ENOPH1: variants seen among roughly 807,000 people sequenced by gnomAD.
ENOPH1 encodes enolase-phosphatase 1.
ENOPH1 carries 14 observed loss-of-function variants against 31.1 expected under a neutral mutation model. That is an observed-to-expected ratio of 0.45 (90% CI 0.30 to 0.70). The LOEUF (loss-of-function observed/expected upper bound fraction) is 0.70. Among genes scored for constraint, ENOPH1 ranks in the 30% least tolerant of loss-of-function variants. The pLI is 0.09. For synonymous variants in ENOPH1, 127 were observed against 123.2 expected, an observed-to-expected ratio of 1.03 and a Z score of -0.21; for missense variants, 243 against 321.5, an observed-to-expected ratio of 0.76 and a Z score of 1.87.
Position 82,430,757 on chromosome 4 carries a change from G to GCCGCAGCCGCAGCCGGCGC in ENOPH1, c.-71_-53dup. 1 of 1,449,252 alleles carries GCCGCAGCCGCAGCCGGCGC rather than the reference G, an allele frequency of 6.9e-7. No homozygotes were observed. 89.8% of individuals were successfully genotyped at this position (1,449,252 alleles called of 1,614,324 possible). A position where few individuals can be genotyped will look rare whatever the true frequency, so the allele number is the denominator to read the frequency against. The stretch of plus-strand genomic sequence containing the variant: ...CCGGAAGCCCAAGACGGTACCGGGG[G>GCCGCAGCCGCAGCCGGCGC]CCGCAGCCGCAGCCGGCGCCGCCCT... On this transcript the variant is annotated 5_prime_UTR_variant, in exon 1 of 6. Coordinates refer to ENST00000273920, the MANE Select transcript of ENOPH1 (RefSeq NM_021204.5).
rs558606393 is a variant in ENOPH1 at position 82,451,694 on chromosome 4, T to G, written c.389+449T>G. Among the ~76,000 whole-genome samples, 3 of 152,358 alleles carry G rather than the reference T, an allele frequency of 2.0e-5. No homozygotes were observed. In the East Asian group the frequency reaches 5.8e-4, roughly 29 times the overall value. On this transcript the variant is annotated intron_variant, in intron 3 of 5. Coordinates refer to ENST00000273920, the MANE Select transcript of ENOPH1 (RefSeq NM_021204.5). ...CGCACTACCACGTTCTTCTTTGCTC[T>G]TTTGAGCAACTTCCACAGATTCTTT...
intron 2 of ENOPH1, among the ~76,000 whole-genome samples, chr4:82,450,046 C>T (rs1241968525): frequency 6.6e-6 from 1 of 152,110 alleles, no homozygotes; most frequent in South Asian, 2.1e-4. Context: ...CAGTTATTTT[C>T]TAGTTCTATA....
chr4:82,447,057 C>T (rs1722213461), intron 1 of ENOPH1, among the ~76,000 whole-genome samples: 1 of 151,808 alleles, frequency 6.6e-6, no homozygotes, highest in Admixed American at 6.6e-5. Flanking sequence ...GGGATCTCAG[C>T]TTACTGCAAC....
chr4:82,451,357 C>T, intron 3 of ENOPH1, 112 bp downstream of exon 3: 1 of 1,040,280 alleles, frequency 9.6e-7, no homozygotes, highest in East Asian at 2.5e-5. Flanking sequence ...AGATAAAAAT[C>T]CACACTCTTT....
intron 3 of ENOPH1, among the ~76,000 whole-genome samples, chr4:82,453,766 A>G (rs1578102677): frequency 6.6e-6 from 1 of 152,188 alleles, no homozygotes; most frequent in African/African-American, 2.4e-5. Context: ...TGACTATGGA[A>G]AACACTAGAA....
chr4:82,444,378 C>T (rs1260584750), intron 1 of ENOPH1, among the ~76,000 whole-genome samples: 1 of 152,120 alleles, frequency 6.6e-6, no homozygotes, highest in East Asian at 1.9e-4. Flanking sequence ...TGTACCACCA[C>T]GCCCCGACTA....
At chr4:82,448,267 T>G (rs1243006173) in intron 2 of ENOPH1, among the ~76,000 whole-genome samples, 5 of 140,882 alleles carry the variant, frequency 3.5e-5, no homozygotes, top group African/African-American at 1.2e-4. Flanking sequence ...TTTTGTTTTT[T>G]TTGTTTTTTT....
Position 82,443,985 on chromosome 4 carries a change from C to T in ENOPH1, c.85-3935C>T, listed in dbSNP as rs554710710. Among the ~76,000 whole-genome samples the T allele has an allele frequency of 4.6e-5, 7 of 152,008 alleles. No individual in the cohort carries two copies. In the South Asian group the frequency reaches 8.3e-4, roughly 18 times the overall value. On this transcript the variant is annotated intron_variant, in intron 1 of 5. Transcript: ENST00000273920. ...CTACTTCCGGGTTCAAGCGATTCTC[C>T]TGCCTCAGTCTCCCAAGTAGCCGGG...
At chr4:82,450,135 AT>A (rs1184355821) in intron 2 of ENOPH1, among the ~76,000 whole-genome samples, 1 of 152,240 alleles carries the variant, frequency 6.6e-6, no homozygotes, top group Non-Finnish European at 1.5e-5. Flanking sequence ...TCCTTTGGGC[AT>A]GGAATATTTG....
At chr4:82,449,048 A>T (rs1203750973) in intron 2 of ENOPH1, among the ~76,000 whole-genome samples, 1 of 120,330 alleles carries the variant, frequency 8.3e-6, no homozygotes, top group East Asian at 2.4e-4. Flanking sequence ...ACAGAGCGAG[A>T]CTCCGTCTCA....
In ENOPH1 at chr4:82,457,041, G is replaced by T; in HGVS notation, c.646+3G>T. ...GTTTCTGACAGATGTTACTCGAGGTGAGTAATAGACTTCTTATATTATATA... is the reference window on the plus strand; with the variant it reads ...GTTTCTGACAGATGTTACTCGAGGTTAGTAATAGACTTCTTATATTATATA... On this transcript the variant is annotated splice_donor_region_variant and intron_variant, in intron 5 of 5. Transcript: ENST00000273920. 6.2e-7 allele frequency: 1 copy of T among 1,613,678 alleles called. No homozygotes were observed. Among genetic ancestry groups the T allele is most frequent in the South Asian group, 1.1e-5 (1 of 90,946 alleles).
chr4:82,456,336 A>G (rs1722491057), intron 4 of ENOPH1, among the ~76,000 whole-genome samples: 1 of 152,050 alleles, frequency 6.6e-6, no homozygotes, highest in South Asian at 2.1e-4. Context: ...AACTGACCCT[A>G]AATATGGACT....
At chr4:82,458,654 G>A (rs1425410064) in intron 5 of ENOPH1, among the ~76,000 whole-genome samples, 3 of 152,164 alleles carry the variant, frequency 2.0e-5, no homozygotes, top group Admixed American at 6.5e-5. Context: ...AATATGGAAC[G>A]GCCACTTGTA....
chr4:82,455,764 C>T (rs536893291), intron 4 of ENOPH1, among the ~76,000 whole-genome samples: 5 of 150,500 alleles, frequency 3.3e-5, no homozygotes, highest in African/African-American at 7.3e-5. Flanking sequence ...CCAGCCTGGG[C>T]GATAGAGTGA....
At chr4:82,432,806 A>AT (rs1372027066) in intron 1 of ENOPH1, among the ~76,000 whole-genome samples, 1 of 151,822 alleles carries the variant, frequency 6.6e-6, no homozygotes, top group Admixed American at 6.6e-5. Context: ...CGCCCGGCTA[A>AT]TTTTTGTATT....
intron 1 of ENOPH1, among the ~76,000 whole-genome samples, chr4:82,438,331 G>T (rs1490667557): frequency 6.6e-6 from 1 of 152,134 alleles, no homozygotes; most frequent in Non-Finnish European, 1.5e-5. Context: ...AAGTCATACA[G>T]ATCTTTGAAA....
rs959174392 is a variant in ENOPH1, at chr4:82,461,002, T to C, written c.*882T>C. The C allele has an allele frequency of 5.3e-5, 8 of 152,268 alleles. No individual in the cohort carries two copies. The highest frequency in any genetic ancestry group is 1.9e-4 in the African/African-American group (8 of 41,474). 9.4% of individuals were successfully genotyped at this position (152,268 alleles called of 1,614,324 possible). On this transcript the variant is annotated 3_prime_UTR_variant, in exon 6 of 6. Coordinates refer to ENST00000273920, the MANE Select transcript of ENOPH1 (RefSeq NM_021204.5). The stretch of plus-strand genomic sequence containing the variant: ...GAATGGATGTGAGAAATGTAAATTT[T>C]ATAACAGCAGTATTTATCCTGGTTT...
chr4:82,450,325 T>G (rs1722315365), intron 2 of ENOPH1, among the ~76,000 whole-genome samples: 1 of 152,232 alleles, frequency 6.6e-6, no homozygotes, highest in Admixed American at 6.5e-5. Context: ...AAAATGATGT[T>G]GAAGGAAATG....
chr4:82,459,928 A>G, intron 5 of ENOPH1, 53 bp from the exon 6 acceptor site: 1 of 1,600,170 alleles, frequency 6.2e-7, no homozygotes, highest in Non-Finnish European at 8.5e-7. Context: ...TGCAAATCTC[A>G]GACATCATTT....
Sources: gnomAD v4.1 joint callset for allele counts (sites outside exome capture counted in the v4.1 genomes callset) on GRCh38, gnomAD v4.1.1 for gene constraint, MANE v1.5 for transcripts, NCBI Gene and HGNC (gene_info 2026-07-23, HGNC 2026-07-21) for gene names.